Variants in UGT1A5 observed in about 807,000 individuals in gnomAD.
UGT1A5 encodes the protein UDP glucuronosyltransferase family 1 member A5.
In UGT1A5, 29 loss-of-function variants were observed where a neutral mutation model predicts 40.3. That is an observed-to-expected ratio of 0.72 (90% CI 0.54 to 0.98). The LOEUF is 0.98. Among genes scored for constraint, UGT1A5 ranks in the 50% least tolerant of loss-of-function variants. The pLI, the probability that UGT1A5 is intolerant of heterozygous loss-of-function variation, is 0.00. For missense variants in UGT1A5, 678 were observed against 677.9 expected (o/e 1.00, Z 0.00); for synonymous variants, 257 against 262.5 (o/e 0.98, Z 0.20).
intron 1 of UGT1A5, among the ~76,000 whole-genome samples, chr2:233,749,142 T>G (rs1432365652): frequency 6.6e-6 from 1 of 151,878 alleles, no homozygotes; most frequent in Non-Finnish European, 1.5e-5. Flanking sequence ...GCATATGAAC[T>G]TCCATGACTT....
At chr2:233,756,081 A>G (rs1239425363) in intron 1 of UGT1A5, 2 of 152,230 alleles carry the variant, frequency 1.3e-5, no homozygotes, top group South Asian at 2.1e-4. Context: ...ACAATGAGAA[A>G]ATCAAGTAAC....
At chr2:233,721,989 A>C (rs2076985463) in intron 1 of UGT1A5, 1 of 271,622 alleles carries the variant, frequency 3.7e-6, no homozygotes, top group Non-Finnish European at 7.4e-6. Context: ...TAGTTTCACG[A>C]ATGTCCTTTA....
intron 1 of UGT1A5, among the ~76,000 whole-genome samples, chr2:233,714,844 A>G (rs563954106): frequency 6.6e-6 from 1 of 152,320 alleles, no homozygotes; most frequent in East Asian, 1.9e-4. Flanking sequence ...ATGTTTATAA[A>G]TATTCCATGG....
rs769720139 is a variant in UGT1A5 at position 233,772,367 on chromosome 2, C to T, written c.1413C>T (p.Gly471=). Reference sequence around the variant, plus strand: ...TGGAGTTTGTGATGAGGCACAAGGGCGCGCCACACCTGCGCCCCGCAGCCC... The same window carrying T: ...TGGAGTTTGTGATGAGGCACAAGGGTGCGCCACACCTGCGCCCCGCAGCCC... The part of the protein sequence containing the change: ...FWVEFVMRHK[G]APHLRPAAHD... Residue 471 remains glycine, a synonymous_variant, in exon 5 of 5, where the codon GGC becomes GGT. Transcript: ENST00000373414. The T allele has an allele frequency of 1.5e-5, 24 of 1,614,250 alleles. No individual in the cohort carries two copies. Among genetic ancestry groups the T allele is most frequent in the Admixed American group, 1.7e-5 (1 of 60,036 alleles).
chr2:233,723,423 T>C (rs948656424), intron 1 of UGT1A5, among the ~76,000 whole-genome samples: 4 of 135,658 alleles, frequency 2.9e-5, no homozygotes, highest in African/African-American at 8.8e-5. Flanking sequence ...CTGGTCAGGC[T>C]GGTCTCGAAC....
At chr2:233,740,611 T>C (rs1203894418) in intron 1 of UGT1A5, 1 of 151,850 alleles carries the variant, frequency 6.6e-6, no homozygotes, top group Non-Finnish European at 1.5e-5. Flanking sequence ...TCCAGGTCTC[T>C]TGGGGCTCAC....
intron 1 of UGT1A5, among the ~76,000 whole-genome samples, chr2:233,721,299 A>G (rs185045149): frequency 2.2e-4 from 34 of 152,276 alleles, no homozygotes; most frequent in Admixed American, 1.9e-3. Flanking sequence ...AGGCATTTGA[A>G]TAGTGATTGT....
chr2:233,771,304 C>T (rs1274088915), intron 4 of UGT1A5: 1 of 152,118 alleles, frequency 6.6e-6, no homozygotes, highest in Non-Finnish European at 1.5e-5. Flanking sequence ...CTTCCTCCTC[C>T]TTTTCCCTCT....
chr2:233,722,310 C>T (rs1175597546), intron 1 of UGT1A5, among the ~76,000 whole-genome samples: 2 of 152,156 alleles, frequency 1.3e-5, no homozygotes, highest in Non-Finnish European at 2.9e-5. Context: ...CCCTTACTTA[C>T]TTGGTTTGGT....
At position 233,713,670 on chromosome 2, in the gene UGT1A5, G is replaced by T. The variant is rs200994534; in HGVS notation, c.679G>T (p.Val227Phe). Residue 227 changes from valine to phenylalanine, a missense_variant, in exon 1 of 5, where the codon GTT (valine) becomes TTT (phenylalanine). Transcript: ENST00000373414. Reference protein sequence around the residue: ...PLALSYLCHAVSAPYASLASE... With the variant: ...PLALSYLCHAFSAPYASLASE... ...GGCCCTGTCCTACCTTTGCCATGCT[G>T]TTTCTGCTCCTTATGCAAGCCTTGC... 1.7e-4 allele frequency: 280 copies of T among 1,613,946 alleles called. 1 individual carries two copies. The highest frequency in any genetic ancestry group is 2.1e-4 in the Non-Finnish European group (247 of 1,179,872).
At chr2:233,729,023 T>C (rs2125738984) in intron 1 of UGT1A5, 1 of 1,595,674 alleles carries the variant, frequency 6.3e-7, no homozygotes, top group Non-Finnish European at 8.5e-7. Context: ...CAATTACACG[T>C]TGATTTGCTA....
intron 1 of UGT1A5, among the ~76,000 whole-genome samples, chr2:233,733,971 G>T (rs927832512): frequency 6.6e-6 from 1 of 152,028 alleles, no homozygotes; most frequent in East Asian, 1.9e-4. Flanking sequence ...TAGGGGGAGC[G>T]GGGAGGGATA....
intron 1 of UGT1A5, among the ~76,000 whole-genome samples, chr2:233,718,473 G>C (rs2076656513): frequency 6.6e-6 from 1 of 152,232 alleles, no homozygotes; most frequent in African/African-American, 2.4e-5. Context: ...GCTGCAGCCT[G>C]ATAAATATGG....
chr2:233,718,828 G>C lies in UGT1A5; in HGVS notation c.867+4970G>C, dbSNP rs137930413. 3.0e-4 allele frequency: 479 copies of C among 1,613,554 alleles called. 1 individual carries two copies. Among genetic ancestry groups the C allele is most frequent in the Admixed American group, 4.7e-4 (28 of 60,022 alleles). ...TCGGTGGCTTCTGCTGAGATGGCCA[G>C]AGGACTCCAGGTTCCCCTGCCGCGG... On this transcript the variant is annotated intron_variant, in intron 1 of 4. Transcript: ENST00000373414.
intron 1 of UGT1A5, among the ~76,000 whole-genome samples, chr2:233,746,725 G>A (rs1489490060): frequency 6.6e-6 from 1 of 151,774 alleles, no homozygotes; most frequent in Non-Finnish European, 1.5e-5. Flanking sequence ...AATTAGCAAT[G>A]GATTCTGCTT....
intron 1 of UGT1A5, among the ~76,000 whole-genome samples, chr2:233,714,855 A>G (rs1055272801): frequency 1.3e-5 from 2 of 152,158 alleles, no homozygotes; most frequent in Non-Finnish European, 2.9e-5. Context: ...TATTCCATGG[A>G]TAAAACTAAA....
intron 1 of UGT1A5, among the ~76,000 whole-genome samples, chr2:233,725,072 A>T (rs1214982846): frequency 6.9e-6 from 1 of 144,958 alleles, no homozygotes; most frequent in African/African-American, 2.6e-5. Flanking sequence ...CTGCAATCGC[A>T]GGCACTCGGC....
At chr2:233,724,084 T>C (rs1206273718) in intron 1 of UGT1A5, among the ~76,000 whole-genome samples, 23 of 99,034 alleles carry the variant, frequency 2.3e-4, no homozygotes, top group African/African-American at 1.2e-3. Flanking sequence ...GCAGAGGGGC[T>C]CCTCACTTCC....
intron 1 of UGT1A5, chr2:233,747,294 G>A (rs1361092863): frequency 6.2e-7 from 1 of 1,601,846 alleles, no homozygotes; most frequent in African/African-American, 1.3e-5. Flanking sequence ...CCTGGGCTGA[G>A]AGTGGGAAGG....
Sources: gnomAD v4.1 joint callset for allele counts (sites outside exome capture counted in the v4.1 genomes callset) on GRCh38, gnomAD v4.1.1 for gene constraint, MANE v1.5 for transcripts, NCBI Gene and HGNC (gene_info 2026-07-23, HGNC 2026-07-21) for gene names.